The following PLPPR1 variants were observed in gnomAD, a reference collection of about 807,000 sequenced individuals.
PLPPR1 encodes the protein phospholipid phosphatase related 1, also known as phospholipid phosphatase-related protein type 1.
A neutral mutation model predicts 33.1 loss-of-function variants in PLPPR1; 10 were observed. That is an observed-to-expected ratio of 0.30 (90% CI 0.19 to 0.51). PLPPR1 has a LOEUF of 0.51. Among genes scored for constraint, PLPPR1 ranks in the 20% least tolerant of loss-of-function variants. PLPPR1 has a pLI of 0.97. For missense variants in PLPPR1, 304 were observed against 408.1 expected (o/e 0.74, Z 2.20); for synonymous variants, 151 against 151.0 (o/e 1.00, Z 0.00).
At chr9:101,267,462 A>G (rs532328377) in intron 2 of PLPPR1, among the ~76,000 whole-genome samples, 1 of 152,336 alleles carries the variant, frequency 6.6e-6, no homozygotes, top group African/African-American at 2.4e-5. Flanking sequence ...AACAACTCCA[A>G]GCATGGAAAA....
intron 3 of PLPPR1, among the ~76,000 whole-genome samples, chr9:101,279,183 T>C (rs1484491175): frequency 6.6e-6 from 1 of 152,060 alleles, no homozygotes; most frequent in Non-Finnish European, 1.5e-5. Flanking sequence ...AGAAAAACAA[T>C]ACAAGTAAAT....
intron 2 of PLPPR1, among the ~76,000 whole-genome samples, chr9:101,238,702 TG>T (rs1217086493): frequency 6.6e-6 from 1 of 151,758 alleles, no homozygotes; most frequent in Non-Finnish European, 1.5e-5. Context: ...ATTCAGATGA[TG>T]GGTAGGCTAA....
chr9:101,223,738 T>C (rs556956376), intron 2 of PLPPR1, among the ~76,000 whole-genome samples: 1 of 152,216 alleles, frequency 6.6e-6, no homozygotes, highest in African/African-American at 2.4e-5. Context: ...ATTTTAAGTT[T>C]CCTGAGGCCT....
chr9:101,311,994 CAG>C (rs1484613216), intron 5 of PLPPR1, among the ~76,000 whole-genome samples: 12 of 152,176 alleles, frequency 7.9e-5, no homozygotes, highest in African/African-American at 2.9e-4. Context: ...TGTAAAACGT[CAG>C]AGTCTTACCC....
At chr9:101,263,436 C>T (rs1392435524) in intron 2 of PLPPR1, among the ~76,000 whole-genome samples, 1 of 152,096 alleles carries the variant, frequency 6.6e-6, no homozygotes, top group Non-Finnish European at 1.5e-5. Context: ...GCTTCCATTC[C>T]AACTTCTTGC....
At chr9:101,178,854 C>T (rs533741862) in intron 1 of PLPPR1, among the ~76,000 whole-genome samples, 5 of 152,300 alleles carry the variant, frequency 3.3e-5, no homozygotes, top group African/African-American at 1.2e-4. Flanking sequence ...CACTCACCAT[C>T]ACCCCTAGTG....
intron 1 of PLPPR1, among the ~76,000 whole-genome samples, chr9:101,078,189 AG>A (rs1290614608): frequency 0.18 from 1,096 of 5,942 alleles, 195 homozygotes; most frequent in East Asian, 0.62. Flanking sequence ...GAAGAAGAGG[AG>A]GGGGGGAGGG....
At chr9:101,309,127 A>ACT in intron 4 of PLPPR1, 84 bp from the exon 5 acceptor site, 1 of 1,385,116 alleles carries the variant, frequency 7.2e-7, no homozygotes. Context: ...GTCATCATGG[A>ACT]CTCTCACCGC....
chr9:101,162,628 G>C (rs1825781951), intron 1 of PLPPR1, among the ~76,000 whole-genome samples: 1 of 152,154 alleles, frequency 6.6e-6, no homozygotes, highest in African/African-American at 2.4e-5. Context: ...TCGAGTTTTT[G>C]TGTTATTAAG....
intron 1 of PLPPR1, among the ~76,000 whole-genome samples, chr9:101,055,029 C>T (rs1215532398): frequency 6.6e-6 from 1 of 152,178 alleles, no homozygotes; most frequent in Non-Finnish European, 1.5e-5. Context: ...GACTGCTTAA[C>T]CTGAGCTCAT....
At chr9:101,225,968 C>T (rs1353273024) in intron 2 of PLPPR1, among the ~76,000 whole-genome samples, 8 of 151,902 alleles carry the variant, frequency 5.3e-5, no homozygotes, top group African/African-American at 7.3e-5. Context: ...AGTCATTTTT[C>T]GTAGATCGTA....
intron 2 of PLPPR1, among the ~76,000 whole-genome samples, chr9:101,226,666 C>A (rs1827076933): frequency 6.6e-6 from 1 of 152,106 alleles, no homozygotes; most frequent in Non-Finnish European, 1.5e-5. Flanking sequence ...AACCTCAAGA[C>A]CTAATCACCT....
At chr9:101,089,963 G>A (rs1830722985) in intron 1 of PLPPR1, among the ~76,000 whole-genome samples, 1 of 152,102 alleles carries the variant, frequency 6.6e-6, no homozygotes, top group Non-Finnish European at 1.5e-5. Flanking sequence ...CAGACTGGAG[G>A]CTTGGAGTCT....
chr9:101,251,808 G>C (rs753147501), intron 2 of PLPPR1, among the ~76,000 whole-genome samples: 4 of 152,076 alleles, frequency 2.6e-5, no homozygotes, highest in Non-Finnish European at 4.4e-5. Flanking sequence ...GATATAGAAG[G>C]ATGGTTGGTC....
At position 101,202,295 on chromosome 9, in the gene PLPPR1, T is replaced by C. The variant is rs555255850; in HGVS notation, c.63+16738T>C. On this transcript the variant is annotated intron_variant, in intron 2 of 7. Transcript: ENST00000374874. ...TAGAGAATTTCATGGTAAGTTCTTATTGGCAAATTCTGTTCACTGTGGGAA... is the reference window on the plus strand; with the variant it reads ...TAGAGAATTTCATGGTAAGTTCTTACTGGCAAATTCTGTTCACTGTGGGAA... 4.6e-5 allele frequency among the ~76,000 whole-genome samples: 7 copies of C among 152,220 alleles called. No homozygotes were observed. In the South Asian group the frequency reaches 8.3e-4, roughly 18 times the overall value.
intron 1 of PLPPR1, among the ~76,000 whole-genome samples, chr9:101,143,133 C>T (rs372452351): frequency 3.2e-4 from 49 of 152,262 alleles, no homozygotes; most frequent in African/African-American, 1.1e-3. Context: ...CTGTCTACAA[C>T]TCCATATTAA....
At chr9:101,066,990 G>T (rs1830426587) in intron 1 of PLPPR1, among the ~76,000 whole-genome samples, 1 of 152,010 alleles carries the variant, frequency 6.6e-6, no homozygotes, top group Non-Finnish European at 1.5e-5. Context: ...TTATCACCCT[G>T]CATGATGGTG....
chr9:101,287,196 C>A (rs1828407486), intron 4 of PLPPR1, among the ~76,000 whole-genome samples: 1 of 152,134 alleles, frequency 6.6e-6, no homozygotes, highest in South Asian at 2.1e-4. Context: ...AAAGAAGTAA[C>A]CCTTAACATT....
chr9:101,194,753 CAAA>C (rs11439112), intron 2 of PLPPR1, among the ~76,000 whole-genome samples: 2 of 116,914 alleles, frequency 1.7e-5, no homozygotes, highest in African/African-American at 3.1e-5. Flanking sequence ...AACTCCATCT[CAAA>C]AAAAAAAAAA....
Sources: gnomAD v4.1 joint callset for allele counts (sites outside exome capture counted in the v4.1 genomes callset) on GRCh38, gnomAD v4.1.1 for gene constraint, MANE v1.5 for transcripts, NCBI Gene and HGNC (gene_info 2026-07-23, HGNC 2026-07-21) for gene names.